The following CNTNAP2 variants were observed in gnomAD, a reference collection of about 807,000 sequenced individuals.
CNTNAP2 encodes the protein contactin-associated protein-like 2.
A neutral mutation model predicts 155.2 loss-of-function variants in CNTNAP2; 98 were observed. The ratio of observed to expected loss-of-function variants is 0.63; its 90% CI spans 0.54 to 0.75. The LOEUF (loss-of-function observed/expected upper bound fraction) is 0.75, where lower values mean the gene tolerates loss of function less well. CNTNAP2 is among the 30% of genes least tolerant of loss of function. The pLI, the probability that CNTNAP2 is intolerant of heterozygous loss-of-function variation, is 0.00. For missense variants in CNTNAP2, 1,727 were observed against 1,688.1 expected (o/e 1.02, Z -0.40); for synonymous variants, 651 against 631.2 (o/e 1.03, Z -0.47).
intron 1 of CNTNAP2, among the ~76,000 whole-genome samples, chr7:146,119,714 TTAAA>T (rs1213157356): frequency 3.4e-4 from 52 of 152,152 alleles, no homozygotes; most frequent in Non-Finnish European, 6.6e-4. Context: ...GAATTTTCAC[TTAAA>T]TAAATGATCT....
At chr7:146,276,597 A>G (rs951227730) in intron 1 of CNTNAP2, among the ~76,000 whole-genome samples, 2 of 152,196 alleles carry the variant, frequency 1.3e-5, no homozygotes, top group Non-Finnish European at 2.9e-5. Context: ...ATTCTGATGG[A>G]CTAGATGGAC....
intron 13 of CNTNAP2, among the ~76,000 whole-genome samples, chr7:147,772,490 A>C (rs1277638641): frequency 7.9e-6 from 1 of 126,500 alleles, no homozygotes; most frequent in African/African-American, 3.4e-5. Flanking sequence ...ATATACACAC[A>C]CAAAAAAAAA....
intron 15 of CNTNAP2, among the ~76,000 whole-genome samples, chr7:148,045,044 G>A (rs1802751669): frequency 6.6e-6 from 1 of 152,174 alleles, no homozygotes; most frequent in Non-Finnish European, 1.5e-5. Flanking sequence ...TGAAAGCTCT[G>A]AGCAGAAGGA....
At chr7:146,522,983 GTTTA>G (rs1164832816) in intron 1 of CNTNAP2, among the ~76,000 whole-genome samples, 2 of 151,674 alleles carry the variant, frequency 1.3e-5, no homozygotes, top group Non-Finnish European at 2.9e-5. Context: ...ATTTTGTAGT[GTTTA>G]TTTTTATTTT....
At chr7:146,411,463 T>A (rs2129111131) in intron 1 of CNTNAP2, among the ~76,000 whole-genome samples, 1 of 151,866 alleles carries the variant, frequency 6.6e-6, no homozygotes, top group Middle Eastern at 3.4e-3. Flanking sequence ...GCTAATAGAG[T>A]AGATTTTAAA....
intron 1 of CNTNAP2, among the ~76,000 whole-genome samples, chr7:146,633,831 A>AG (rs1307954211): frequency 5.5e-5 from 5 of 90,628 alleles, no homozygotes; most frequent in Non-Finnish European, 1.3e-4. Context: ...CTGCATCTAG[A>AG]GAAAAAAAAA....
At chr7:148,359,682 A>G (rs1798581435) in intron 21 of CNTNAP2, among the ~76,000 whole-genome samples, 1 of 152,228 alleles carries the variant, frequency 6.6e-6, no homozygotes, top group Admixed American at 6.5e-5. Flanking sequence ...TTAAACTTTC[A>G]GGAAATTTTT....
chr7:148,248,962 CTGA>C (rs1448399279), intron 20 of CNTNAP2, among the ~76,000 whole-genome samples: 1 of 152,124 alleles, frequency 6.6e-6, no homozygotes, highest in Non-Finnish European at 1.5e-5. Flanking sequence ...TCCCTGATGA[CTGA>C]TGATGTTTAG....
chr7:147,771,785 C>G (rs1032691987), intron 13 of CNTNAP2, among the ~76,000 whole-genome samples: 1 of 151,582 alleles, frequency 6.6e-6, no homozygotes, highest in Non-Finnish European at 1.5e-5. Context: ...TTTTTGTAAT[C>G]TTTACTGTAG....
intron 21 of CNTNAP2, among the ~76,000 whole-genome samples, chr7:148,358,049 A>G (rs756833673): frequency 1.3e-5 from 2 of 152,230 alleles, no homozygotes; most frequent in East Asian, 3.9e-4. Context: ...CTGTGATCAT[A>G]TAACTGTAGC....
intron 15 of CNTNAP2, among the ~76,000 whole-genome samples, chr7:148,076,407 T>G (rs192209335): frequency 1.4e-5 from 2 of 147,068 alleles, no homozygotes; most frequent in East Asian, 4.1e-4. Context: ...TGTAGACCTA[T>G]GATAGCTCTG....
chr7:147,598,146 A>G (rs973520157), intron 12 of CNTNAP2, among the ~76,000 whole-genome samples: 4 of 148,638 alleles, frequency 2.7e-5, no homozygotes, highest in South Asian at 2.2e-4. Flanking sequence ...CATTGCCTGT[A>G]ATTACAGCCT....
chr7:148,208,726 G>C (rs978329362), intron 18 of CNTNAP2, among the ~76,000 whole-genome samples: 4 of 152,154 alleles, frequency 2.6e-5, no homozygotes, highest in Admixed American at 2.0e-4. Context: ...ATGAGGAGAT[G>C]AGAAGGTTTC....
At chr7:147,297,844 C>T (rs1736427197) in intron 8 of CNTNAP2, among the ~76,000 whole-genome samples, 1 of 152,044 alleles carries the variant, frequency 6.6e-6, no homozygotes, top group South Asian at 2.1e-4. Context: ...TGGTTGCTTC[C>T]AAATCTTAGC....
chr7:146,240,780 G>T (rs1179066095), intron 1 of CNTNAP2, among the ~76,000 whole-genome samples: 1 of 152,160 alleles, frequency 6.6e-6, no homozygotes, highest in Non-Finnish European at 1.5e-5. Flanking sequence ...TAGGGCTGCA[G>T]TATGAAAGAG....
intron 15 of CNTNAP2, among the ~76,000 whole-genome samples, chr7:148,026,492 C>T (rs547522463): frequency 6.6e-6 from 1 of 152,132 alleles, no homozygotes; most frequent in South Asian, 2.1e-4. Context: ...ATAGAAAAGC[C>T]ATTTAAAGCA....
intron 1 of CNTNAP2, among the ~76,000 whole-genome samples, chr7:146,569,563 C>T (rs1180119975): frequency 6.6e-6 from 1 of 152,164 alleles, no homozygotes; most frequent in African/African-American, 2.4e-5. Flanking sequence ...ATTATTAGCT[C>T]AGCACCTCTA....
intron 3 of CNTNAP2, among the ~76,000 whole-genome samples, chr7:146,904,507 T>A (rs1441834669): frequency 6.6e-6 from 1 of 152,170 alleles, no homozygotes; most frequent in Non-Finnish European, 1.5e-5. Context: ...AGTCTTGCTC[T>A]GTCACCCAGG....
intron 1 of CNTNAP2, among the ~76,000 whole-genome samples, chr7:146,605,652 A>C (rs1413935050): frequency 6.6e-6 from 1 of 152,156 alleles, no homozygotes; most frequent in Non-Finnish European, 1.5e-5. Context: ...TATTTCTGTT[A>C]GTATTATTAT....
Sources: allele counts gnomAD v4.1 joint callset (sites outside exome capture counted in the v4.1 genomes callset), GRCh38; gene constraint gnomAD v4.1.1; transcripts MANE v1.5; gene names NCBI Gene and HGNC (gene_info 2026-07-23, HGNC 2026-07-21).